The following HYI variants were observed in gnomAD, a reference collection of about 807,000 sequenced individuals.
The protein encoded by HYI is hydroxypyruvate isomerase (putative).
Under a neutral mutation model 39.7 loss-of-function variants are expected in HYI, and 47 were observed. The observed-to-expected ratio is 1.18, with a 90% CI of 0.94 to 1.51. HYI has a LOEUF of 1.51. HYI is among the 40% of genes most tolerant of loss of function. HYI has a pLI of 0.00. For synonymous variants in HYI, 186 were observed against 158.8 expected (o/e 1.17, Z -1.29); for missense variants, 465 against 370.3 (o/e 1.26, Z -2.10).
chr1:43,451,374 C>T (rs769154500), intron 7 of HYI, 36 bp downstream of exon 7: 19 of 1,611,796 alleles, frequency 1.2e-5, no homozygotes, highest in Non-Finnish European at 1.4e-5. Context: ...CTGTCCGGGT[C>T]CCTCCAGAGC....
At chr1:43,451,742 G>A (rs375556306) in intron 5 of HYI, 25 bp from the exon 6 acceptor site, 50 of 1,613,640 alleles carry the variant, frequency 3.1e-5, no homozygotes, top group African/African-American at 2.7e-4. Flanking sequence ...ACTACATTCC[G>A]AGACCCCGCA....
chr1:43,453,510 C>A lies in HYI; in HGVS notation c.200-13G>T. The A allele has an allele frequency of 7.8e-6, 12 of 1,539,456 alleles. No individual in the cohort carries two copies. In the Middle Eastern group the frequency reaches 5.1e-4, roughly 65 times the overall value. ...TTCTCTTGGTCTCCTGCAGAGAGAACGGGCCTCAGCCCCCGGCTCGGACAC... is the reference window on the plus strand; with the variant it reads ...TTCTCTTGGTCTCCTGCAGAGAGAAAGGGCCTCAGCCCCCGGCTCGGACAC... On this transcript the variant is annotated splice_polypyrimidine_tract_variant and intron_variant, in intron 1 of 7. Coordinates refer to ENST00000372430, the MANE Select transcript of HYI (RefSeq NM_001190880.3).
In HYI at chr1:43,453,701, G is replaced by T. The variant is rs748650584; in HGVS notation, c.93C>A (p.Gly31=). Reference sequence around the variant, plus strand: ...GCCAGGCCACCTCGACGGCCTCGAAGCCCGAGCTGCCCGCGGCCCGCACCC... The same window carrying T: ...GCCAGGCCACCTCGACGGCCTCGAATCCCGAGCTGCCCGCGGCCCGCACCC... ...PARVRAAGSS[G]FEAVEVAWPY... Residue 31 remains glycine, a synonymous_variant, in exon 1 of 8, where the codon GGC becomes GGA. Transcript: ENST00000372430. 2.1e-6 allele frequency: 3 copies of T among 1,421,604 alleles called. No individual in the cohort carries two copies. In the South Asian group the frequency reaches 4.4e-5, roughly 21 times the overall value. The allele number at this position is 1,421,604 out of a possible 1,614,324, so 88.1% of individuals were successfully genotyped here.
At position 43,453,800 on chromosome 1, in the gene HYI, G is replaced by T; in HGVS notation, c.-7C>A. 1 of 1,264,918 alleles carries T rather than the reference G, an allele frequency of 7.9e-7. No homozygotes were observed. Among genetic ancestry groups the T allele is most frequent in the Non-Finnish European group, 9.9e-7 (1 of 1,008,044 alleles). The allele number at this position is 1,264,918 out of a possible 1,614,324, so 78.4% of individuals were successfully genotyped here. On this transcript the variant is annotated 5_prime_UTR_variant, in exon 1 of 8. Transcript: ENST00000372430. ...AGAAGCGCAGCGGCGCCATGCCTGG[G>T]GAGGCCGGGCCGGGCGGAGTCCGCG... is the stretch of plus-strand genomic sequence containing the variant.
intron 2 of HYI, 27 bp from the exon 3 acceptor site, chr1:43,452,346 T>C: frequency 6.5e-7 from 1 of 1,545,624 alleles, no homozygotes; most frequent in South Asian, 1.1e-5. Context: ...CTGGAGGCCT[T>C]GCCTCCCTTG....
chr1:43,452,455 A>G (rs1557616086), intron 2 of HYI, 136 bp from the exon 3 acceptor site: 4 of 739,164 alleles, frequency 5.4e-6, no homozygotes, highest in Non-Finnish European at 9.8e-6. Flanking sequence ...ATGCCCAGGT[A>G]TCCCAGCACT....
chr1:43,452,112 G>T, intron 3 of HYI, 93 bp downstream of exon 3: 1 of 1,500,882 alleles, frequency 6.7e-7, no homozygotes, highest in Non-Finnish European at 9.2e-7. Context: ...TCTGACCTAG[G>T]CTGGCAGCCT....
In HYI at chr1:43,453,798, G is replaced by T. The variant is rs1366213652; in HGVS notation, c.-5C>A. ...GGAGAAGCGCAGCGGCGCCATGCCT[G>T]GGGAGGCCGGGCCGGGCGGAGTCCG... On this transcript the variant is annotated 5_prime_UTR_variant, in exon 1 of 8. Transcript: ENST00000372430. 1 of 1,265,036 alleles carries T rather than the reference G, an allele frequency of 7.9e-7. No individual in the cohort carries two copies. Among genetic ancestry groups the T allele is most frequent in the Non-Finnish European group, 9.9e-7 (1 of 1,007,934 alleles). 78.4% of individuals were successfully genotyped at this position (1,265,036 alleles called of 1,614,324 possible). A position where few individuals can be genotyped will look rare whatever the true frequency, so the allele number is the denominator to read the frequency against.
Position 43,453,831 on chromosome 1 carries a change from C to A in HYI, c.-38G>T. The A allele has an allele frequency of 8.3e-7, 1 of 1,206,192 alleles. No individual in the cohort carries two copies. Among genetic ancestry groups the A allele is most frequent in the Non-Finnish European group, 1.0e-6 (1 of 972,298 alleles). 74.7% of individuals were successfully genotyped at this position (1,206,192 alleles called of 1,614,324 possible). A position where few individuals can be genotyped will look rare whatever the true frequency, so the allele number is the denominator to read the frequency against. On this transcript the variant is annotated 5_prime_UTR_variant, in exon 1 of 8. Coordinates refer to ENST00000372430, the MANE Select transcript of HYI (RefSeq NM_001190880.3). ...CGGGCCGGGCGGAGTCCGCGGGATC[C>A]AAAGGCGGCGGGCGGCGGGCGGCGG...
intron 2 of HYI, chr1:43,453,101 C>G: frequency 1.3e-6 from 1 of 777,456 alleles, no homozygotes; most frequent in Non-Finnish European, 2.3e-6. Flanking sequence ...CTGGAATAGG[C>G]CTGTCCTCAA....
chr1:43,452,595 C>T, intron 2 of HYI: 1 of 601,000 alleles, frequency 1.7e-6, no homozygotes, highest in Non-Finnish European at 3.0e-6. Flanking sequence ...CAACCTGTAA[C>T]CTGCTAAATT....
Position 43,453,873 on chromosome 1 carries a change from G to GGGCTC in HYI, c.-85_-81dup, listed in dbSNP as rs1389608173. On this transcript the variant is annotated 5_prime_UTR_variant, in exon 1 of 8. Transcript: ENST00000372430. ...GGGCGGCGGGCGGCGGGCGGGGGCGGGGCTCTCCTTGCTGGCCCTGCGAAC... is the reference window on the plus strand; with the variant it reads ...GGGCGGCGGGCGGCGGGCGGGGGCGGGGCTCGGCTCTCCTTGCTGGCCCTGCGAAC... The GGGCTC allele has an allele frequency of 1.6e-5, 20 of 1,227,754 alleles. No homozygotes were observed. Among genetic ancestry groups the GGGCTC allele is most frequent in the Non-Finnish European group, 2.0e-5 (20 of 986,304 alleles). The allele number at this position is 1,227,754 out of a possible 1,614,324, so 76.1% of individuals were successfully genotyped here.
chr1:43,453,855 G>T lies in HYI; in HGVS notation c.-62C>A, dbSNP rs1656750724. On this transcript the variant is annotated 5_prime_UTR_variant, in exon 1 of 8. Coordinates refer to ENST00000372430, the MANE Select transcript of HYI (RefSeq NM_001190880.3). ...CCAAAGGCGGCGGGCGGCGGGCGGC[G>T]GGCGGCGGGCGGGGGCGGGGCTCTC... is the stretch of plus-strand genomic sequence containing the variant. 8.1e-7 allele frequency: 1 copy of T among 1,231,326 alleles called. No homozygotes were observed. The highest frequency in any genetic ancestry group is 1.6e-5 in the African/African-American group (1 of 63,562). 76.3% of individuals were successfully genotyped at this position (1,231,326 alleles called of 1,614,324 possible). A position where few individuals can be genotyped will look rare whatever the true frequency, so the allele number is the denominator to read the frequency against.
Position 43,451,029 on chromosome 1 carries a change from G to A in HYI, c.*209C>T, listed in dbSNP as rs771574218. ...TGGGTTTCTCATCCTTTAATGAGGT[G>A]GGTTCAGAAGCTCTCCCATCTTCAC... On this transcript the variant is annotated 3_prime_UTR_variant, in exon 8 of 8. Coordinates refer to ENST00000372430, the MANE Select transcript of HYI (RefSeq NM_001190880.3). 2.6e-6 allele frequency: 2 copies of A among 772,124 alleles called. No individual in the cohort carries two copies. Among genetic ancestry groups the A allele is most frequent in the Non-Finnish European group, 4.7e-6 (2 of 425,074 alleles). 47.8% of individuals were successfully genotyped at this position (772,124 alleles called of 1,614,324 possible).
Position 43,451,845 on chromosome 1 carries a change from C to T in HYI, c.508G>A (p.Ala170Thr), listed in dbSNP as rs370026446. ...CTTCCTACCTTCTGTAAGATGGCTGCCGCTGTAAGAGAAGCCAGGGAGGGG... is the reference window on the plus strand; with the variant it reads ...CTTCCTACCTTCTGTAAGATGGCTGTCGCTGTAAGAGAAGCCAGGGAGGGG... ...QYFLDTPQQA[A>T]AILQKVGRPN... Residue 170 changes from alanine (A) to threonine (T), a missense_variant and splice_region_variant, in exon 5 of 8, where the codon GCA (alanine) becomes ACA (threonine). Coordinates refer to ENST00000372430, the MANE Select transcript of HYI (RefSeq NM_001190880.3). The T allele has an allele frequency of 8.5e-5, 137 of 1,613,954 alleles. No homozygotes were observed. The highest frequency in any genetic ancestry group is 1.1e-4 in the Non-Finnish European group (133 of 1,179,988).
At chr1:43,452,598 G>C (rs1472676021) in intron 2 of HYI, 4 of 598,456 alleles carry the variant, frequency 6.7e-6, no homozygotes, top group Non-Finnish European at 1.2e-5. Flanking sequence ...CCTGTAACCT[G>C]CTAAATTCTC....
Position 43,453,680 on chromosome 1 carries a change from G to A in HYI, c.114C>T (p.Ala38=), listed in dbSNP as rs571522183. ...GSSGFEAVEV[A]WPYAETPEAL... ...CCTCAGGCGTCTCCGCGTACGGCCA[G>A]GCCACCTCGACGGCCTCGAAGCCCG... Residue 38 remains alanine, a synonymous_variant, in exon 1 of 8, where the codon GCC becomes GCT. Transcript: ENST00000372430. 2.0e-6 allele frequency: 3 copies of A among 1,463,860 alleles called. No individual in the cohort carries two copies. Among genetic ancestry groups the A allele is most frequent in the African/African-American group, 3.0e-5 (2 of 67,334 alleles). 90.7% of individuals were successfully genotyped at this position (1,463,860 alleles called of 1,614,324 possible).
Position 43,453,603 on chromosome 1 carries a change from G to T in HYI, c.191C>A (p.Thr64Lys). ...EAGLRLVLIN[T>K]PPGDQEKGEM... is the part of the protein sequence containing the mutation. Reference sequence around the variant, plus strand: ...CCCGGCCCGCGACGCACCCGGGGGCGTGTTGATCAGTACAAGCCGCAGCCC... The same window carrying T: ...CCCGGCCCGCGACGCACCCGGGGGCTTGTTGATCAGTACAAGCCGCAGCCC... The change falls in exon 1 of 8, where the codon ACG becomes AAG. Residue 64 changes from threonine to lysine, a missense_variant. By Grantham distance (78) the Thr-to-Lys change is moderately conservative. Transcript: ENST00000372430. 2.6e-6 allele frequency: 4 copies of T among 1,527,684 alleles called. No individual in the cohort carries two copies. The highest frequency in any genetic ancestry group is 2.8e-5 in the African/African-American group (2 of 72,316). 94.6% of individuals were successfully genotyped at this position (1,527,684 alleles called of 1,614,324 possible).
Position 43,451,705 on chromosome 1 carries a change from A to C in HYI, c.568T>G (p.Trp190Gly). Residue 190 changes from tryptophan to glycine, a missense_variant, in exon 6 of 8, where the codon TGG becomes GGG. Transcript: ENST00000372430. ...GTCAGGTTCCCATCCATGATCTGCC[A>C]GTGGAATATGTCCTAGGGAAGAGGA... is the stretch of plus-strand genomic sequence containing the variant. ...NLQLQMDIFH[W>G]QIMDGNLTGN... 1.2e-6 allele frequency: 2 copies of C among 1,614,190 alleles called. No individual in the cohort carries two copies. The highest frequency in any genetic ancestry group is 1.7e-6 in the Non-Finnish European group (2 of 1,180,018).
Sources: gnomAD v4.1 joint callset for allele counts on GRCh38, gnomAD v4.1.1 for gene constraint, MANE v1.5 for transcripts, NCBI Gene and HGNC (gene_info 2026-07-23, HGNC 2026-07-21) for gene names.